Variants in MTUS2 observed in about 807,000 individuals in gnomAD.
MTUS2 encodes microtubule associated scaffold protein 2.
In MTUS2, 40 loss-of-function variants were observed where a neutral mutation model predicts 114.1. That is an observed-to-expected ratio of 0.35 (90% confidence interval 0.27 to 0.46). The LOEUF (loss-of-function observed/expected upper bound fraction) is 0.46. MTUS2 is among the 20% of genes least tolerant of loss of function. MTUS2 has a pLI of 1.00. For missense variants in MTUS2, 1,679 were observed against 1,705.4 expected (o/e 0.98, Z 0.27); for synonymous variants, 688 against 672.0 (o/e 1.02, Z -0.37).
intron 2 of MTUS2, among the ~76,000 whole-genome samples, chr13:28,845,593 T>A (rs2793652): frequency 0.77 from 116,535 of 151,976 alleles, 45,383 homozygotes; most frequent in Non-Finnish European, 0.82. Flanking sequence ...TATGGTGTAA[T>A]ACTTATTTAA....
chr13:29,388,356 T>G (rs1358575464), intron 8 of MTUS2, among the ~76,000 whole-genome samples: 1 of 151,650 alleles, frequency 6.6e-6, no homozygotes, highest in Non-Finnish European at 1.5e-5. Context: ...GTAAAATGAG[T>G]CAACACTTGA....
chr13:29,024,765 A>G lies in MTUS2; in HGVS notation c.67A>G (p.Arg23Gly). 6.2e-7 allele frequency: 1 copy of G among 1,614,062 alleles called. No homozygotes were observed. The highest frequency in any genetic ancestry group is 8.5e-7 in the Non-Finnish European group (1 of 1,179,902). The change falls in exon 3 of 16, where the codon AGA becomes GGA. Residue 23 changes from arginine to glycine, a missense_variant. Physicochemically the swap from Arg to Gly is moderately radical, Grantham distance 125. This residue lies in a region of MTUS2 where 843 missense variants were observed against 770.8 expected (regional missense o/e 1.09). Transcript: ENST00000612955. Reference sequence around the variant, plus strand: ...GTTGCGGGACAACAGAAATGCAGCAAGAAATAATAATGAAAGCATCTTAAG... The same window carrying G: ...GTTGCGGGACAACAGAAATGCAGCAGGAAATAATAATGAAAGCATCTTAAG... Reference protein sequence around the residue: ...TQLRDNRNAARNNNESILSLG... With the variant: ...TQLRDNRNAAGNNNESILSLG...
At chr13:29,275,336 AT>A in intron 5 of MTUS2, among the ~76,000 whole-genome samples, 1 of 152,318 alleles carries the variant, frequency 6.6e-6, no homozygotes, top group South Asian at 2.1e-4. Flanking sequence ...TAAATGGGGT[AT>A]CCATTATCTC....
chr13:29,085,259 T>C (rs1204654913), intron 4 of MTUS2, among the ~76,000 whole-genome samples: 1 of 152,228 alleles, frequency 6.6e-6, no homozygotes, highest in Non-Finnish European at 1.5e-5. Flanking sequence ...CTTTTTCTTT[T>C]ATTTAGTAAC....
At chr13:29,135,311 T>C (rs1891932384) in intron 5 of MTUS2, among the ~76,000 whole-genome samples, 1 of 152,250 alleles carries the variant, frequency 6.6e-6, no homozygotes, top group Non-Finnish European at 1.5e-5. Context: ...ATAACTTTTT[T>C]TGATCTAAAG....
chr13:29,000,750 T>G (rs1362983666), intron 2 of MTUS2, among the ~76,000 whole-genome samples: 1 of 152,236 alleles, frequency 6.6e-6, no homozygotes, highest in African/African-American at 2.4e-5. Flanking sequence ...ACCTCACATC[T>G]GAGCCATCAC....
Position 29,134,043 on chromosome 13 carries a change from G to A in MTUS2, c.2644+33073G>A, listed in dbSNP as rs148603212. On this transcript the variant is annotated intron_variant, in intron 5 of 15. Transcript: ENST00000612955. Reference sequence around the variant, plus strand: ...ACATATGGCTACAAATTTGCCCTTTGGCACTGCTTTTGTTTATTCCCTAAG... The same window carrying A: ...ACATATGGCTACAAATTTGCCCTTTAGCACTGCTTTTGTTTATTCCCTAAG... Among the ~76,000 whole-genome samples, 420 of 152,080 alleles carry A rather than the reference G, an allele frequency of 2.8e-3. 2 individuals are homozygous for A. The highest frequency in any genetic ancestry group is 9.6e-3 in the African/African-American group (400 of 41,526).
chr13:29,385,976 T>A (rs2138389806), intron 8 of MTUS2, among the ~76,000 whole-genome samples: 1 of 152,300 alleles, frequency 6.6e-6, no homozygotes, highest in African/African-American at 2.4e-5. Context: ...ACAGGGGCCC[T>A]CAGCTTCTTG....
chr13:28,975,532 T>C (rs1236870657), intron 2 of MTUS2, among the ~76,000 whole-genome samples: 1 of 151,648 alleles, frequency 6.6e-6, no homozygotes, highest in East Asian at 1.9e-4. Context: ...TTCAGCACTG[T>C]AGGAAAACCC....
chr13:29,142,699 G>A (rs374473204), intron 5 of MTUS2, among the ~76,000 whole-genome samples: 26 of 152,114 alleles, frequency 1.7e-4, no homozygotes, highest in African/African-American at 6.0e-4. Flanking sequence ...GAGTGAGACT[G>A]TCTCAAAACA....
At chr13:29,410,502 A>T (rs371348675) in intron 8 of MTUS2, among the ~76,000 whole-genome samples, 1 of 152,204 alleles carries the variant, frequency 6.6e-6, no homozygotes, top group Non-Finnish European at 1.5e-5. Flanking sequence ...TTCTAGTTAT[A>T]TGAAACTTAG....
intron 10 of MTUS2, among the ~76,000 whole-genome samples, chr13:29,481,215 T>A (rs1015126002): frequency 2.7e-4 from 41 of 152,178 alleles, no homozygotes; most frequent in Non-Finnish European, 4.6e-4. Flanking sequence ...GGAAAATGCA[T>A]CCATGGACTA....
intron 2 of MTUS2, among the ~76,000 whole-genome samples, chr13:28,917,816 T>G (rs1321417982): frequency 6.6e-6 from 1 of 151,892 alleles, no homozygotes; most frequent in African/African-American, 2.4e-5. Flanking sequence ...GTTAGGTTGT[T>G]TGTTTGATGT....
At chr13:29,064,989 G>A (rs186624995) in intron 4 of MTUS2, among the ~76,000 whole-genome samples, 4 of 152,232 alleles carry the variant, frequency 2.6e-5, no homozygotes, top group Non-Finnish European at 5.9e-5. Flanking sequence ...GGTATTCCAC[G>A]GTATGTATGT....
At chr13:29,225,202 C>T (rs1206706147) in intron 5 of MTUS2, among the ~76,000 whole-genome samples, 1 of 152,220 alleles carries the variant, frequency 6.6e-6, no homozygotes, top group Non-Finnish European at 1.5e-5. Context: ...AAGCCCTTCC[C>T]TGTCTTTGTG....
Position 29,503,364 on chromosome 13 carries a change from C to A in MTUS2, c.*158C>A. On this transcript the variant is annotated 3_prime_UTR_variant, in exon 16 of 16. Coordinates refer to ENST00000612955, the MANE Select transcript of MTUS2 (RefSeq NM_001033602.4). The stretch of plus-strand genomic sequence containing the variant: ...CTCCTCTGATCCCCGTGTAAGACTG[C>A]CCTGGTGTCGGCACTTAGGAATGTG... 1.3e-6 allele frequency: 1 copy of A among 740,888 alleles called. No homozygotes were observed. The highest frequency in any genetic ancestry group is 2.2e-6 in the Non-Finnish European group (1 of 457,300). The allele number at this position is 740,888 out of a possible 1,614,324, so 45.9% of individuals were successfully genotyped here.
intron 4 of MTUS2, among the ~76,000 whole-genome samples, chr13:29,060,543 CTTTTTTTTTT>C (rs1162860492): frequency 4.0e-5 from 4 of 101,210 alleles, no homozygotes; most frequent in Non-Finnish European, 7.8e-5. Flanking sequence ...CCTAGCCCTT[CTTTTTTTTTT>C]TTTTTTTTTT....
At chr13:29,102,739 T>C (rs181999779) in intron 5 of MTUS2, among the ~76,000 whole-genome samples, 197 of 152,340 alleles carry the variant, frequency 1.3e-3, no homozygotes, top group Non-Finnish European at 2.4e-3. Flanking sequence ...ATTTGATTTG[T>C]CTAAGTACTA....
chr13:29,399,481 C>G (rs553315727), intron 8 of MTUS2, among the ~76,000 whole-genome samples: 34 of 152,212 alleles, frequency 2.2e-4, no homozygotes, highest in African/African-American at 8.2e-4. Flanking sequence ...ATCCAATACA[C>G]GGTTCAAAGA....
Sources: allele counts gnomAD v4.1 joint callset (sites outside exome capture counted in the v4.1 genomes callset), GRCh38; gene constraint gnomAD v4.1.1; regional missense constraint gnomAD v4.1.1; transcripts MANE v1.5; gene names NCBI Gene and HGNC (gene_info 2026-07-23, HGNC 2026-07-21).